The following CAV2 variants were observed in gnomAD, a reference collection of about 807,000 sequenced individuals.
CAV2 encodes the protein caveolin-2.
CAV2 carries 7 observed loss-of-function variants against 15.5 expected under a neutral mutation model. The observed-to-expected ratio is 0.45, with a 90% CI of 0.26 to 0.85. CAV2 has a LOEUF of 0.85. Ranked by LOEUF, CAV2 falls within the 40% of genes least tolerant of loss-of-function variation. The pLI is 0.18. For synonymous variants in CAV2, 76 were observed against 83.1 expected (o/e 0.91, Z 0.46); for missense variants, 229 against 208.8 (o/e 1.10, Z -0.60).
rs1793043295 is a variant in CAV2, at chr7:116,499,781, G to T, written c.-1G>T. The T allele has an allele frequency of 1.3e-6, 2 of 1,553,164 alleles. No homozygotes were observed. The highest frequency in any genetic ancestry group is 1.7e-6 in the Non-Finnish European group (2 of 1,152,060). On this transcript the variant is annotated 5_prime_UTR_variant, in exon 1 of 3. Transcript: ENST00000222693. ...TGCAGCGGCCGCGCACCAAGGCTGC[G>T]ATGGGGCTGGAGACGGAGAAGGCGG...
chr7:116,504,083 G>T (rs1430169477), intron 2 of CAV2, among the ~76,000 whole-genome samples: 1 of 152,084 alleles, frequency 6.6e-6, no homozygotes, highest in African/African-American at 2.4e-5. Flanking sequence ...AATTCTAAGT[G>T]AAGTGGATTT....
In CAV2 at chr7:116,507,126, G is replaced by C. The variant is rs1793255267; in HGVS notation, c.*1005G>C. The C allele has an allele frequency of 6.6e-6, 1 of 152,506 alleles. No homozygotes were observed. The highest frequency in any genetic ancestry group is 2.1e-4 in the South Asian group (1 of 4,830). The allele number at this position is 152,506 out of a possible 1,614,324, so 9.4% of individuals were successfully genotyped here. ...CTCACTTTACTTTCAAGTAATATTG[G>C]TGCTATTTAACATTTTACAGTAAAT... On this transcript the variant is annotated 3_prime_UTR_variant, in exon 3 of 3. Coordinates refer to ENST00000222693, the MANE Select transcript of CAV2 (RefSeq NM_001233.5).
At chr7:116,501,733 T>C (rs1021276172) in intron 2 of CAV2, among the ~76,000 whole-genome samples, 1 of 151,450 alleles carries the variant, frequency 6.6e-6, no homozygotes, top group Non-Finnish European at 1.5e-5. Flanking sequence ...GTGAAAGGAG[T>C]CGAAAAAGAC....
chr7:116,500,444 T>A lies in CAV2; in HGVS notation c.335T>A (p.Ile112Asn). 6.2e-7 allele frequency: 1 copy of A among 1,611,612 alleles called. No individual in the cohort carries two copies. The highest frequency in any genetic ancestry group is 8.5e-7 in the Non-Finnish European group (1 of 1,178,988). ...TTTGCCACCCTCAGCTGTCTGCACA[T>A]CTGGTGAGACGGGGCACACCGGGTG... is the stretch of plus-strand genomic sequence containing the variant. ...ILFATLSCLH[I>N]WILMPFVKTC... Residue 112 changes from isoleucine (I) to asparagine (N), a missense_variant, in exon 2 of 3, where the codon ATC becomes AAC. By Grantham distance (149) the Ile-to-Asn change is moderately radical. Coordinates refer to ENST00000222693, the MANE Select transcript of CAV2 (RefSeq NM_001233.5).
At chr7:116,503,882 AAAGAGAGGGAGGGAGG>A (rs1793159989) in intron 2 of CAV2, among the ~76,000 whole-genome samples, 1 of 66,876 alleles carries the variant, frequency 1.5e-5, no homozygotes, top group African/African-American at 5.6e-5. Flanking sequence ...AGAGAGAAAG[AAAGAGAGGGAGGGAGG>A]GAGGGAGGGA....
In CAV2 at chr7:116,500,319, G is replaced by A. The variant is rs368012050; in HGVS notation, c.210G>A (p.Trp70Ter). The A allele has an allele frequency of 2.5e-6, 4 of 1,614,116 alleles. No homozygotes were observed. In the African/African-American group the frequency reaches 5.3e-5, roughly 22 times the overall value. The stretch of plus-strand genomic sequence containing the variant: ...CTACGCACTCCTTTGACAAAGTGTG[G>A]ATCTGCAGCCATGCCCTCTTTGAAA... ...PVTTHSFDKV[W>*]ICSHALFEIS... Residue 70 changes from tryptophan (W) to a stop codon, truncating the protein, a stop_gained, in exon 2 of 3, where the codon TGG (tryptophan) becomes TGA (stop). Coordinates refer to ENST00000222693, the MANE Select transcript of CAV2 (RefSeq NM_001233.5). LOFTEE classifies it high-confidence loss of function.
In CAV2 at chr7:116,499,765, C is replaced by G; in HGVS notation, c.-17C>G. 1 of 1,523,466 alleles carries G rather than the reference C, an allele frequency of 6.6e-7. No individual in the cohort carries two copies. 94.4% of individuals were successfully genotyped at this position (1,523,466 alleles called of 1,614,324 possible). Reference sequence around the variant, plus strand: ...ACCGCGCCAGCCGGGCTGCAGCGGCCGCGCACCAAGGCTGCGATGGGGCTG... The same window carrying G: ...ACCGCGCCAGCCGGGCTGCAGCGGCGGCGCACCAAGGCTGCGATGGGGCTG... On this transcript the variant is annotated 5_prime_UTR_variant, in exon 1 of 3. Coordinates refer to ENST00000222693, the MANE Select transcript of CAV2 (RefSeq NM_001233.5).
intron 2 of CAV2, among the ~76,000 whole-genome samples, chr7:116,503,756 G>C (rs910518724): frequency 1.3e-5 from 2 of 151,760 alleles, no homozygotes; most frequent in African/African-American, 2.4e-5. Flanking sequence ...CTCGAACCCG[G>C]GAGGCGAAGG....
intron 2 of CAV2, among the ~76,000 whole-genome samples, chr7:116,505,730 C>T (rs1468295173): frequency 2.0e-5 from 3 of 152,114 alleles, no homozygotes; most frequent in Admixed American, 1.3e-4. Flanking sequence ...GGGATCTACC[C>T]GCTGTGATCC....
intron 2 of CAV2, chr7:116,501,192 A>G (rs937818206): frequency 6.6e-6 from 1 of 152,252 alleles, no homozygotes; most frequent in Non-Finnish European, 1.5e-5. Flanking sequence ...CATACTCAAA[A>G]TGTGTCCTAA....
Position 116,507,092 on chromosome 7 carries a change from T to C in CAV2, c.*971T>C, listed in dbSNP as rs1487555402. The C allele has an allele frequency of 1.3e-5, 2 of 152,660 alleles. No homozygotes were observed. Among genetic ancestry groups the C allele is most frequent in the Non-Finnish European group, 2.9e-5 (2 of 68,032 alleles). The allele number at this position is 152,660 out of a possible 1,614,324, so 9.5% of individuals were successfully genotyped here. On this transcript the variant is annotated 3_prime_UTR_variant, in exon 3 of 3. Coordinates refer to ENST00000222693, the MANE Select transcript of CAV2 (RefSeq NM_001233.5). ...GAAATTAAATCTGTGTCAGCATTCC[T>C]ATTAATGTCTCACTTTACTTTCAAG...
intron 2 of CAV2, 91 bp downstream of exon 2, chr7:116,500,538 G>T: frequency 7.7e-7 from 1 of 1,297,736 alleles, no homozygotes; most frequent in Non-Finnish European, 1.1e-6. Flanking sequence ...TCCCAGGCCG[G>T]CGTCAGGAGG....
In CAV2 at chr7:116,507,500, G is replaced by C. The variant is rs573336725; in HGVS notation, c.*1379G>C. 1 of 151,778 alleles carries C rather than the reference G, an allele frequency of 6.6e-6. No individual in the cohort carries two copies. Among genetic ancestry groups the C allele is most frequent in the South Asian group, 2.1e-4 (1 of 4,810 alleles). The allele number at this position is 151,778 out of a possible 1,614,324, so 9.4% of individuals were successfully genotyped here. A position where few individuals can be genotyped will look rare whatever the true frequency, so the allele number is the denominator to read the frequency against. On this transcript the variant is annotated 3_prime_UTR_variant, in exon 3 of 3. Transcript: ENST00000222693. The stretch of plus-strand genomic sequence containing the variant: ...ATCCTGGCCAACATGGTGATACCCC[G>C]TCTCTACTAAAAATACAAAAAAATT...
At chr7:116,502,080 TGCTGACTATGAA>T (rs1793118241) in intron 2 of CAV2, among the ~76,000 whole-genome samples, 1 of 152,162 alleles carries the variant, frequency 6.6e-6, no homozygotes, top group Non-Finnish European at 1.5e-5. Flanking sequence ...TATTGTGAAA[TGCTGACTATGAA>T]GCTATTTGGA....
chr7:116,503,459 A>G (rs942297222), intron 2 of CAV2, among the ~76,000 whole-genome samples: 2 of 152,184 alleles, frequency 1.3e-5, no homozygotes, highest in African/African-American at 2.4e-5. Flanking sequence ...ACATGTGCTA[A>G]ATTCCCTTTT....
chr7:116,500,145 A>G lies in CAV2; in HGVS notation c.151-115A>G. 9 of 1,500,750 alleles carry G rather than the reference A, an allele frequency of 6.0e-6. No individual in the cohort carries two copies. In the South Asian group the frequency reaches 1.2e-4, roughly 20 times the overall value. 93.0% of individuals were successfully genotyped at this position (1,500,750 alleles called of 1,614,324 possible). A position where few individuals can be genotyped will look rare whatever the true frequency, so the allele number is the denominator to read the frequency against. On this transcript the variant is annotated intron_variant, in intron 1 of 2. Coordinates refer to ENST00000222693, the MANE Select transcript of CAV2 (RefSeq NM_001233.5). The stretch of plus-strand genomic sequence containing the variant: ...GTGCGCCCACCGTGACCCTAAGAGA[A>G]GAGGCGGACGCCCTGGCACGTCCTT...
At chr7:116,501,132 A>C (rs1793095001) in intron 2 of CAV2, 1 of 152,258 alleles carries the variant, frequency 6.6e-6, no homozygotes, top group African/African-American at 2.4e-5. Context: ...AAGGGGAAAG[A>C]AATATGGAAG....
At chr7:116,503,000 G>A (rs1425917685) in intron 2 of CAV2, among the ~76,000 whole-genome samples, 1 of 152,088 alleles carries the variant, frequency 6.6e-6, no homozygotes, top group Non-Finnish European at 1.5e-5. Flanking sequence ...TGCGATAGTA[G>A]CAATCTCATT....
Position 116,506,304 on chromosome 7 carries a change from C to G in CAV2, c.*183C>G, listed in dbSNP as rs996458290. 2 of 559,862 alleles carry G rather than the reference C, an allele frequency of 3.6e-6. No homozygotes were observed. Among genetic ancestry groups the G allele is most frequent in the Non-Finnish European group, 6.2e-6 (2 of 325,170 alleles). 34.7% of individuals were successfully genotyped at this position (559,862 alleles called of 1,614,324 possible). On this transcript the variant is annotated 3_prime_UTR_variant, in exon 3 of 3. Coordinates refer to ENST00000222693, the MANE Select transcript of CAV2 (RefSeq NM_001233.5). ...CAAATAATGCTTTTCTAATTAATAG[C>G]CAAAGATTTCATATCTAACTTTGTA...
Sources: gnomAD v4.1 joint callset for allele counts (sites outside exome capture counted in the v4.1 genomes callset) on GRCh38, gnomAD v4.1.1 for gene constraint, MANE v1.5 for transcripts, NCBI Gene and HGNC (gene_info 2026-07-23, HGNC 2026-07-21) for gene names.